Variants in STXBP5L observed in about 807,000 individuals in gnomAD.
STXBP5L encodes the protein syntaxin-binding protein 5-like.
In STXBP5L, 65 loss-of-function variants were observed where a neutral mutation model predicts 144.5. The observed-to-expected ratio is 0.45, with a 90% CI of 0.37 to 0.55. The LOEUF is 0.55. STXBP5L is among the 20% of genes least tolerant of loss of function. STXBP5L has a pLI of 0.00. For synonymous variants in STXBP5L, 505 were observed against 469.6 expected (o/e 1.08, Z -0.97); for missense variants, 1,298 against 1,405.5 (o/e 0.92, Z 1.22).
chr3:121,165,694 A>G (rs1271290901), intron 9 of STXBP5L, among the ~76,000 whole-genome samples: 1 of 152,096 alleles, frequency 6.6e-6, no homozygotes, highest in African/African-American at 2.4e-5. Flanking sequence ...GAGTCCTGCT[A>G]ACAGGCTTCC....
At chr3:120,948,045 G>T (rs1710969572) in intron 2 of STXBP5L, among the ~76,000 whole-genome samples, 1 of 151,710 alleles carries the variant, frequency 6.6e-6, no homozygotes, top group South Asian at 2.1e-4. Flanking sequence ...CAAAGAGCCT[G>T]CATTATTTTA....
At chr3:121,086,479 C>A (rs1488970047) in intron 5 of STXBP5L, among the ~76,000 whole-genome samples, 2 of 151,960 alleles carry the variant, frequency 1.3e-5, no homozygotes, top group South Asian at 4.1e-4. Context: ...TATTTAGATA[C>A]ACAAATGTTT....
At chr3:121,379,036 A>T in intron 21 of STXBP5L, 150 bp downstream of exon 21, 2 of 845,926 alleles carry the variant, frequency 2.4e-6, no homozygotes, top group Non-Finnish European at 3.5e-6. Flanking sequence ...GGCTGTGGCC[A>T]TAACTCCAAC....
At chr3:121,338,182 A>G (rs1559990196) in intron 20 of STXBP5L, among the ~76,000 whole-genome samples, 1 of 152,168 alleles carries the variant, frequency 6.6e-6, no homozygotes, top group Non-Finnish European at 1.5e-5. Context: ...CAAAGCTACC[A>G]GAATAAAAGA....
intron 3 of STXBP5L, among the ~76,000 whole-genome samples, chr3:120,973,455 C>G (rs543036365): frequency 5.9e-5 from 9 of 151,826 alleles, no homozygotes; most frequent in African/African-American, 1.9e-4. Flanking sequence ...TTATTTGAAT[C>G]TTCTCTTTTT....
chr3:121,336,116 C>T (rs1420038994), intron 20 of STXBP5L, among the ~76,000 whole-genome samples: 2 of 152,106 alleles, frequency 1.3e-5, no homozygotes, highest in African/African-American at 4.8e-5. Flanking sequence ...TATGAATAGA[C>T]ACTTTTCAAA....
chr3:121,402,058 A>T (rs943398740), intron 22 of STXBP5L, among the ~76,000 whole-genome samples: 1 of 152,198 alleles, frequency 6.6e-6, no homozygotes, highest in African/African-American at 2.4e-5. Context: ...TTGTAGGCCT[A>T]GTGCATTTTC....
At chr3:121,126,492 A>G (rs2044709791) in intron 7 of STXBP5L, among the ~76,000 whole-genome samples, 1 of 152,174 alleles carries the variant, frequency 6.6e-6, no homozygotes, top group Non-Finnish European at 1.5e-5. Flanking sequence ...AAACTCTTCC[A>G]TGCAGTGACA....
chr3:121,132,879 T>TA (rs2045060108), intron 7 of STXBP5L, among the ~76,000 whole-genome samples: 2 of 151,696 alleles, frequency 1.3e-5, no homozygotes, highest in Admixed American at 1.3e-4. Flanking sequence ...GCAGGCTACA[T>TA]AAAGTAGAAG....
intron 18 of STXBP5L, among the ~76,000 whole-genome samples, chr3:121,260,485 T>C (rs2050348425): frequency 6.6e-6 from 1 of 152,048 alleles, no homozygotes; most frequent in South Asian, 2.1e-4. Flanking sequence ...TTCAAGATAA[T>C]AATAAAAATT....
Position 121,050,896 on chromosome 3 carries a change from C to A in STXBP5L, c.470+5361C>A, listed in dbSNP as rs1185014656. Reference sequence around the variant, plus strand: ...AATAAAGGGATGGAGGAAGATCTACCAAGCAAATGGAAAACAAAAAAAAGC... The same window carrying A: ...AATAAAGGGATGGAGGAAGATCTACAAAGCAAATGGAAAACAAAAAAAAGC... On this transcript the variant is annotated intron_variant, in intron 5 of 26. Coordinates refer to ENST00000471454, the MANE Select transcript of STXBP5L (RefSeq NM_001308330.2). Among the ~76,000 whole-genome samples the A allele has an allele frequency of 1.5e-4, 23 of 152,068 alleles. No individual in the cohort carries two copies. The South Asian group carries it at 4.8e-3, about 32-fold the overall frequency.
chr3:120,962,212 T>A (rs1240520779), intron 3 of STXBP5L, among the ~76,000 whole-genome samples: 1 of 152,194 alleles, frequency 6.6e-6, no homozygotes. Flanking sequence ...AAATTTTTCT[T>A]CCATTCTATA....
rs545470753 is a variant in STXBP5L at position 121,339,559 on chromosome 3, C to A, written c.2176+21019C>A. 2.6e-5 allele frequency among the ~76,000 whole-genome samples: 4 copies of A among 152,116 alleles called. No individual in the cohort carries two copies. The South Asian group carries it at 8.3e-4, about 32-fold the overall frequency. On this transcript the variant is annotated intron_variant, in intron 20 of 26. Transcript: ENST00000471454. Reference sequence around the variant, plus strand: ...TTCAATATAGTACTGGAAGTCATAGCCAGGCCAATCAGTCAAGAGAAAGAA... The same window carrying A: ...TTCAATATAGTACTGGAAGTCATAGACAGGCCAATCAGTCAAGAGAAAGAA...
At chr3:121,407,653 G>T in intron 23 of STXBP5L, 50 bp downstream of exon 23, 1 of 1,605,808 alleles carries the variant, frequency 6.2e-7, no homozygotes, top group Non-Finnish European at 8.5e-7. Context: ...TACCAGCAAG[G>T]TACAATCCTA....
chr3:121,276,080 T>C (rs2050874014), intron 18 of STXBP5L, among the ~76,000 whole-genome samples: 2 of 151,842 alleles, frequency 1.3e-5, no homozygotes, highest in Admixed American at 1.3e-4. Flanking sequence ...CCCTTTTTTT[T>C]TTCTTCTTTT....
chr3:121,375,339 T>G lies in STXBP5L; in HGVS notation c.2177-3377T>G, dbSNP rs150656273. ...AGAATCCAAAAAGCCTGGATCTCAG[T>G]GTGCATTACATGTGCCTCTTAAACC... On this transcript the variant is annotated intron_variant, in intron 20 of 26. Coordinates refer to ENST00000471454, the MANE Select transcript of STXBP5L (RefSeq NM_001308330.2). Among the ~76,000 whole-genome samples the G allele has an allele frequency of 1.8e-3, 269 of 152,302 alleles. 2 individuals carry two copies. The highest frequency in any genetic ancestry group is 6.4e-3 in the African/African-American group (265 of 41,578).
chr3:121,177,280 T>C (rs2046973095), intron 9 of STXBP5L, among the ~76,000 whole-genome samples: 1 of 152,088 alleles, frequency 6.6e-6, no homozygotes, highest in Admixed American at 6.6e-5. Flanking sequence ...ATATGTTTAC[T>C]TTTTCTCATC....
At chr3:120,977,746 A>G (rs544808186) in intron 3 of STXBP5L, among the ~76,000 whole-genome samples, 1 of 152,278 alleles carries the variant, frequency 6.6e-6, no homozygotes, top group Non-Finnish European at 1.5e-5. Flanking sequence ...CCTGGTGGTG[A>G]CAAAATCTCT....
At chr3:121,325,945 T>C (rs1216186534) in intron 20 of STXBP5L, among the ~76,000 whole-genome samples, 1 of 151,788 alleles carries the variant, frequency 6.6e-6, no homozygotes, top group Non-Finnish European at 1.5e-5. Context: ...GTCTTCAGAC[T>C]TCAAGGTCCT....
Sources: gnomAD v4.1 joint callset for allele counts (sites outside exome capture counted in the v4.1 genomes callset) on GRCh38, gnomAD v4.1.1 for gene constraint, MANE v1.5 for transcripts, NCBI Gene and HGNC (gene_info 2026-07-23, HGNC 2026-07-21) for gene names.